The following CNBD1 variants were observed in gnomAD, a reference collection of about 807,000 sequenced individuals.
The protein encoded by CNBD1 is cyclic nucleotide-binding domain-containing protein 1.
Under a neutral mutation model 54.4 loss-of-function variants are expected in CNBD1, and 71 were observed. The observed-to-expected ratio is 1.30, with a 90% CI of 1.08 to 1.59. CNBD1 has a LOEUF of 1.59. Ranked by LOEUF, CNBD1 falls within the 40% of genes most tolerant of loss-of-function variation. The probability of loss-of-function intolerance (pLI) is 0.00; values close to 1 mark genes in which losing one functional copy is unlikely to be tolerated. For missense variants in CNBD1, 659 were observed against 518.0 expected, an observed-to-expected ratio of 1.27 and a Z score of -2.64; for synonymous variants, 182 against 170.7, an observed-to-expected ratio of 1.07 and a Z score of -0.51.
At chr8:87,096,577 C>A (rs1335762275) in intron 4 of CNBD1, among the ~76,000 whole-genome samples, 1 of 152,060 alleles carries the variant, frequency 6.6e-6, no homozygotes, top group Non-Finnish European at 1.5e-5. Context: ...ACATATGAAG[C>A]AAACTCAGCA....
chr8:87,150,368 A>G (rs1386313382), intron 4 of CNBD1, among the ~76,000 whole-genome samples: 1 of 152,194 alleles, frequency 6.6e-6, no homozygotes, highest in Admixed American at 6.5e-5. Flanking sequence ...TGTAGAGTTC[A>G]TTGAATCCTA....
chr8:87,315,983 A>T (rs1212729980), intron 8 of CNBD1, among the ~76,000 whole-genome samples: 1 of 152,026 alleles, frequency 6.6e-6, no homozygotes, highest in African/African-American at 2.4e-5. Flanking sequence ...AATATATACA[A>T]TTATTGTGTA....
chr8:87,220,859 A>T (rs1336358222), intron 5 of CNBD1, among the ~76,000 whole-genome samples: 1 of 98,382 alleles, frequency 1.0e-5, no homozygotes, highest in Non-Finnish European at 2.2e-5. Flanking sequence ...GGTATATTTT[A>T]ATATCTCGAT....
chr8:86,969,803 C>T (rs868316014), intron 4 of CNBD1, among the ~76,000 whole-genome samples: 2,276 of 150,792 alleles, frequency 0.015, 37 homozygotes, highest in Middle Eastern at 0.042. Context: ...TACACACACA[C>T]ACACACACAC....
chr8:87,296,612 TATATACAC>T (rs1016509064), intron 8 of CNBD1, among the ~76,000 whole-genome samples: 1 of 77,146 alleles, frequency 1.3e-5, no homozygotes, highest in Non-Finnish European at 3.1e-5. Flanking sequence ...TTGGTATATA[TATATACAC>T]ATATATATAC....
At chr8:86,889,613 A>G (rs1441110514) in intron 2 of CNBD1, among the ~76,000 whole-genome samples, 2 of 152,122 alleles carry the variant, frequency 1.3e-5, no homozygotes, top group Admixed American at 1.3e-4. Flanking sequence ...TAAAGGCAGT[A>G]GGTTGGTATA....
At chr8:87,087,699 C>T (rs1313970345) in intron 4 of CNBD1, among the ~76,000 whole-genome samples, 2 of 152,044 alleles carry the variant, frequency 1.3e-5, no homozygotes, top group Non-Finnish European at 2.9e-5. Flanking sequence ...ATCCCCTGAC[C>T]TCGTGATCCG....
chr8:86,871,743 T>A (rs1808446062), intron 1 of CNBD1, among the ~76,000 whole-genome samples: 1 of 152,176 alleles, frequency 6.6e-6, no homozygotes, highest in Non-Finnish European at 1.5e-5. Flanking sequence ...ATAAGGACAC[T>A]GTTAGGGGTT....
chr8:87,365,968 T>C (rs924053232), intron 10 of CNBD1, among the ~76,000 whole-genome samples: 2 of 152,054 alleles, frequency 1.3e-5, no homozygotes, highest in South Asian at 4.1e-4. Context: ...TCTTAAGTCA[T>C]AAAATGTCCT....
intron 4 of CNBD1, among the ~76,000 whole-genome samples, chr8:87,089,542 CAT>C (rs1308588455): frequency 1.3e-5 from 2 of 152,104 alleles, no homozygotes; most frequent in South Asian, 4.1e-4. Context: ...GATTAAGAGA[CAT>C]ATTTGAGAAA....
chr8:87,029,481 G>C (rs12679672), intron 4 of CNBD1, among the ~76,000 whole-genome samples: 38,088 of 152,018 alleles, frequency 0.25, 5,580 homozygotes, highest in Admixed American at 0.38. Flanking sequence ...TTGGGAAATG[G>C]GGAGGTAAAG....
intron 2 of CNBD1, among the ~76,000 whole-genome samples, chr8:87,413,245 T>A (rs1254759233): frequency 6.6e-6 from 1 of 152,114 alleles, no homozygotes; most frequent in Non-Finnish European, 1.5e-5. Context: ...TGACTCATTT[T>A]CCAAGCTTAA....
intron 8 of CNBD1, among the ~76,000 whole-genome samples, chr8:87,337,466 C>G (rs1009483236): frequency 2.0e-5 from 3 of 152,192 alleles, no homozygotes; most frequent in African/African-American, 7.2e-5. Flanking sequence ...CCCCAAGGAG[C>G]TCAGATGGCT....
chr8:86,990,575 G>A (rs1808722866), intron 4 of CNBD1, among the ~76,000 whole-genome samples: 1 of 152,094 alleles, frequency 6.6e-6, no homozygotes, highest in South Asian at 2.1e-4. Context: ...CCAGTACCAG[G>A]CTGTTTTGGT....
At chr8:87,028,067 A>T (rs1809695741) in intron 4 of CNBD1, among the ~76,000 whole-genome samples, 3 of 152,140 alleles carry the variant, frequency 2.0e-5, no homozygotes. Context: ...ACACACAATT[A>T]CAAGCATGTC....
At chr8:86,972,518 C>T (rs1808247420) in intron 4 of CNBD1, among the ~76,000 whole-genome samples, 1 of 152,080 alleles carries the variant, frequency 6.6e-6, no homozygotes, top group Non-Finnish European at 1.5e-5. Context: ...AAAGGTGAAG[C>T]ATTTAGCTAG....
At position 87,206,113 on chromosome 8, in the gene CNBD1, C is replaced by G. The variant is rs774522037; in HGVS notation, c.552C>G (p.Ser184=). The part of the protein sequence containing the change: ...HLKTLSKTVF[S]ETWLKGSTVV... ...AAACACTTAGTAAGACTGTCTTTTC[C>G]GAAACCTGGTTGAAAGGCAGCACAG... The change falls in exon 5 of 11, where the codon TCC becomes TCG. Residue 184 remains serine, a synonymous_variant. Transcript: ENST00000518476. The G allele has an allele frequency of 1.3e-6, 2 of 1,585,046 alleles. No homozygotes were observed. The highest frequency in any genetic ancestry group is 1.7e-6 in the Non-Finnish European group (2 of 1,167,562).
At chr8:87,392,630 C>T (rs116037690) in intron 2 of CNBD1, among the ~76,000 whole-genome samples, 2,862 of 151,926 alleles carry the variant, frequency 0.019, 90 homozygotes, top group African/African-American at 0.062. Flanking sequence ...AGTCGATTAG[C>T]TGTTGCTAGG....
At chr8:87,043,401 A>G (rs1161154401) in intron 4 of CNBD1, among the ~76,000 whole-genome samples, 1 of 152,116 alleles carries the variant, frequency 6.6e-6, no homozygotes, top group Non-Finnish European at 1.5e-5. Flanking sequence ...GGTTGTATTA[A>G]TTTCTCCTTA....
Sources: allele counts gnomAD v4.1 joint callset (sites outside exome capture counted in the v4.1 genomes callset), GRCh38; gene constraint gnomAD v4.1.1; transcripts MANE v1.5; gene names NCBI Gene and HGNC (gene_info 2026-07-23, HGNC 2026-07-21).